The following KLHL28 variants were observed in gnomAD, a reference collection of about 807,000 sequenced individuals.
The protein encoded by KLHL28 is kelch like family member 28.
A neutral mutation model predicts 48.3 loss-of-function variants in KLHL28; 22 were observed. The observed-to-expected ratio is 0.46, with a 90% CI of 0.33 to 0.65. KLHL28 has a LOEUF of 0.65. Ranked by LOEUF, KLHL28 falls within the 30% of genes least tolerant of loss-of-function variation. KLHL28 has a pLI of 0.03. For synonymous variants in KLHL28, 243 were observed against 242.4 expected (o/e 1.00, Z -0.02); for missense variants, 527 against 704.3 (o/e 0.75, Z 2.85).
In KLHL28 at chr14:44,927,831, T is replaced by C. The variant is rs1023339451; in HGVS notation, c.*1197A>G. The C allele has an allele frequency of 1.3e-5, 2 of 152,730 alleles. No homozygotes were observed. The highest frequency in any genetic ancestry group is 4.1e-4 in the South Asian group (2 of 4,826). The allele number at this position is 152,730 out of a possible 1,614,324, so 9.5% of individuals were successfully genotyped here. ...TATTTAATGCATATATTTCTGTTTT[T>C]AAGAAAGACATGTAATATCTAGCAC... On this transcript the variant is annotated 3_prime_UTR_variant, in exon 5 of 5. Transcript: ENST00000396128.
chr14:44,941,797 G>A (rs185250133), intron 2 of KLHL28, among the ~76,000 whole-genome samples: 112 of 151,980 alleles, frequency 7.4e-4, no homozygotes, highest in African/African-American at 2.6e-3. Flanking sequence ...CAAATTCCTT[G>A]GCTTTTATGA....
chr14:44,938,357 A>G (rs1007394028), intron 2 of KLHL28, among the ~76,000 whole-genome samples: 3 of 151,608 alleles, frequency 2.0e-5, no homozygotes, highest in Non-Finnish European at 2.9e-5. Context: ...TCCAAAACCC[A>G]ACAAGGAAAA....
intron 2 of KLHL28, 111 bp downstream of exon 2, chr14:44,944,919 C>A: frequency 7.5e-6 from 6 of 804,868 alleles, no homozygotes; most frequent in South Asian, 2.4e-5. Context: ...TAAAAAGAAG[C>A]AAAGAAAAGT....
intron 1 of KLHL28, chr14:44,960,976 C>G: frequency 8.7e-7 from 1 of 1,153,124 alleles, no homozygotes; most frequent in Non-Finnish European, 1.3e-6. Flanking sequence ...ACGAGTCATT[C>G]AAAAGTAATA....
At chr14:44,929,215 G>A (rs1263248718) in intron 4 of KLHL28, 24 bp from the exon 5 acceptor site, 1 of 1,569,358 alleles carries the variant, frequency 6.4e-7, no homozygotes, top group Admixed American at 1.8e-5. Flanking sequence ...GCAAAAAGAA[G>A]ATAGAAACAT....
chr14:44,955,617 A>G (rs994654799), intron 1 of KLHL28, among the ~76,000 whole-genome samples: 7 of 151,952 alleles, frequency 4.6e-5, no homozygotes, highest in Non-Finnish European at 8.8e-5. Flanking sequence ...CTCTACAAAG[A>G]AAAAAAACAA....
chr14:44,944,447 C>CTGA lies in KLHL28; in HGVS notation c.899+580_899+582dup, dbSNP rs543727451. 7.0e-4 allele frequency among the ~76,000 whole-genome samples: 106 copies of CTGA among 152,144 alleles called. 1 individual carries two copies. In the East Asian group the frequency reaches 0.019, roughly 28 times the overall value. On this transcript the variant is annotated intron_variant, in intron 2 of 4. Transcript: ENST00000396128. ...CTGTTTGGTCTTTTATAGAAAAAGT[C>CTGA]TGACAATTCCTAATCTAAGTTATTG...
At chr14:44,947,306 T>C (rs902062792) in intron 1 of KLHL28, among the ~76,000 whole-genome samples, 1 of 152,170 alleles carries the variant, frequency 6.6e-6, no homozygotes, top group Non-Finnish European at 1.5e-5. Flanking sequence ...GATTCTCCCG[T>C]AGAGCTTATG....
intron 2 of KLHL28, 28 bp downstream of exon 2, chr14:44,945,002 C>A: frequency 6.9e-7 from 1 of 1,448,792 alleles, no homozygotes; most frequent in Non-Finnish European, 9.4e-7. Flanking sequence ...CAATTAGCAT[C>A]ATTCATTTAG....
chr14:44,958,701 G>A lies in KLHL28; in HGVS notation c.-1+3145C>T, dbSNP rs201088194. ...TGACTTTGAACTTGCTTTCTTCTGTGTTATTTCTGAATCCATGTTATGACA... is the reference window on the plus strand; with the variant it reads ...TGACTTTGAACTTGCTTTCTTCTGTATTATTTCTGAATCCATGTTATGACA... On this transcript the variant is annotated intron_variant, in intron 1 of 4. Transcript: ENST00000396128. Among the ~76,000 whole-genome samples, 3 of 152,074 alleles carry A rather than the reference G, an allele frequency of 2.0e-5. No individual in the cohort carries two copies. In the East Asian group the frequency reaches 5.8e-4, roughly 29 times the overall value.
intron 3 of KLHL28, 135 bp from the exon 4 acceptor site, chr14:44,931,676 T>C: frequency 1.5e-6 from 1 of 657,572 alleles, no homozygotes; most frequent in Non-Finnish European, 2.6e-6. Flanking sequence ...CTGCCACAAA[T>C]GCTTAGGTTT....
chr14:44,940,202 G>T (rs867805547), intron 2 of KLHL28, among the ~76,000 whole-genome samples: 51 of 152,238 alleles, frequency 3.4e-4, no homozygotes, highest in Middle Eastern at 6.8e-3. Context: ...CACAATAATA[G>T]CATTAATCCC....
chr14:44,943,452 G>A (rs756250167), intron 2 of KLHL28, among the ~76,000 whole-genome samples: 4 of 152,146 alleles, frequency 2.6e-5, no homozygotes, highest in Non-Finnish European at 4.4e-5. Flanking sequence ...GAGGTCAGGA[G>A]TTTGAGATCG....
chr14:44,930,288 C>T (rs928882597), intron 4 of KLHL28, among the ~76,000 whole-genome samples: 5 of 152,044 alleles, frequency 3.3e-5, no homozygotes, highest in Non-Finnish European at 7.4e-5. Flanking sequence ...AGTGCTCCAA[C>T]ATTTGAAACT....
intron 1 of KLHL28, among the ~76,000 whole-genome samples, chr14:44,947,589 G>A (rs1884392630): frequency 6.6e-6 from 1 of 152,008 alleles, no homozygotes; most frequent in Non-Finnish European, 1.5e-5. Context: ...TGGCAATAAC[G>A]AAAAAGTACA....
intron 2 of KLHL28, among the ~76,000 whole-genome samples, chr14:44,936,170 C>T (rs73334131): frequency 0.1 from 15,290 of 151,736 alleles, 1,043 homozygotes; most frequent in African/African-American, 0.19. Context: ...GGGGGTATAA[C>T]TTTCCAATGA....
chr14:44,945,904 T>C lies in KLHL28; in HGVS notation c.25A>G (p.Met9Val), dbSNP rs199543632. The change falls in exon 2 of 5, where the codon ATG becomes GTG. Residue 9 changes from methionine (M) to valine (V), a missense_variant. Coordinates refer to ENST00000396128, the MANE Select transcript of KLHL28 (RefSeq NM_017658.5). ...TGCAAGTGGGTTAAGTTAGCAAGCA[T>C]GTAGGTCGGGGATGTGTGGTCCATC... MDHTSPTYMLANLTHLHSE... is the reference protein window; with the variant it reads MDHTSPTYVLANLTHLHSE... 2 of 1,613,390 alleles carry C rather than the reference T, an allele frequency of 1.2e-6. No individual in the cohort carries two copies. Among genetic ancestry groups the C allele is most frequent in the East Asian group, 2.2e-5 (1 of 44,870 alleles).
At chr14:44,943,717 C>CTTT (rs112454594) in intron 2 of KLHL28, among the ~76,000 whole-genome samples, 62 of 141,322 alleles carry the variant, frequency 4.4e-4, no homozygotes, top group African/African-American at 7.5e-4. Flanking sequence ...TATTATCGGA[C>CTTT]TTTTTTTTTT....
chr14:44,940,245 C>T (rs1269521041), intron 2 of KLHL28, among the ~76,000 whole-genome samples: 3 of 152,178 alleles, frequency 2.0e-5, no homozygotes, highest in Admixed American at 6.5e-5. Context: ...GGCCTAATCA[C>T]CTCTTAAAGG....
Sources: gnomAD v4.1 joint callset for allele counts (sites outside exome capture counted in the v4.1 genomes callset) on GRCh38, gnomAD v4.1.1 for gene constraint, MANE v1.5 for transcripts, NCBI Gene and HGNC (gene_info 2026-07-23, HGNC 2026-07-21) for gene names.